Variants in SLC24A2 observed in about 807,000 individuals in gnomAD.
SLC24A2 encodes the protein solute carrier family 24 member 2.
SLC24A2 carries 36 observed loss-of-function variants against 62.0 expected under a neutral mutation model. The ratio of observed to expected loss-of-function variants is 0.58; its 90% CI spans 0.44 to 0.77. The LOEUF (loss-of-function observed/expected upper bound fraction) is 0.77. Among genes scored for constraint, SLC24A2 ranks in the 30% least tolerant of loss-of-function variants. SLC24A2 has a pLI of 0.00. For synonymous variants in SLC24A2, 358 were observed against 294.0 expected (o/e 1.22, Z -2.23); for missense variants, 846 against 817.9 (o/e 1.03, Z -0.42).
chr9:20,140,544 C>A, the SLC24A2 span, among the ~76,000 whole-genome samples: 3 of 151,908 alleles, frequency 2.0e-5, no homozygotes, highest in Non-Finnish European at 4.4e-5. Flanking sequence ...CTTAAGCAGG[C>A]AAAAAAGAAA....
the SLC24A2 span, among the ~76,000 whole-genome samples, chr9:20,292,784 C>G: frequency 6.6e-5 from 10 of 152,080 alleles, no homozygotes; most frequent in Non-Finnish European, 1.5e-4. Flanking sequence ...GAGATGGGGT[C>G]TCCCCACCTT....
At chr9:19,906,066 C>A in the SLC24A2 span, among the ~76,000 whole-genome samples, 1 of 152,200 alleles carries the variant, frequency 6.6e-6, no homozygotes, top group South Asian at 2.1e-4. Context: ...AAACTGACCA[C>A]ATACTTGGAA....
chr9:20,222,697 C>A, the SLC24A2 span, among the ~76,000 whole-genome samples: 2 of 151,830 alleles, frequency 1.3e-5, no homozygotes, highest in Admixed American at 1.3e-4. Flanking sequence ...TATGCCATAC[C>A]CCTTAAGTAC....
the SLC24A2 span, among the ~76,000 whole-genome samples, chr9:20,100,265 C>A: frequency 6.6e-6 from 1 of 151,948 alleles, no homozygotes; most frequent in Admixed American, 6.6e-5. Flanking sequence ...TTTGCCATGT[C>A]GCCCAGGCTG....
intron 2 of SLC24A2, among the ~76,000 whole-genome samples, chr9:19,779,778 A>T (rs891165371): frequency 6.6e-6 from 1 of 152,222 alleles, no homozygotes; most frequent in African/African-American, 2.4e-5. Flanking sequence ...ACATCAAGGT[A>T]GGCGGGCGCG....
At chr9:19,529,382 T>C (rs931212877) in intron 8 of SLC24A2, among the ~76,000 whole-genome samples, 1 of 152,236 alleles carries the variant, frequency 6.6e-6, no homozygotes, top group Non-Finnish European at 1.5e-5. Flanking sequence ...ACAGTCTCTA[T>C]TGCTCCAAAC....
chr9:19,556,652 A>C (rs1472099355), intron 7 of SLC24A2, among the ~76,000 whole-genome samples: 1 of 152,190 alleles, frequency 6.6e-6, no homozygotes, highest in African/African-American at 2.4e-5. Context: ...GGCTCACTGT[A>C]ACACTTAGGA....
chr9:19,635,091 T>C (rs939036768), intron 2 of SLC24A2, among the ~76,000 whole-genome samples: 1 of 152,230 alleles, frequency 6.6e-6, no homozygotes, highest in Non-Finnish European at 1.5e-5. Context: ...TGAAAACAGA[T>C]GTAGCCTCAC....
the SLC24A2 span, among the ~76,000 whole-genome samples, chr9:20,168,296 A>G: frequency 6.6e-6 from 1 of 152,014 alleles, no homozygotes; most frequent in Admixed American, 6.6e-5. Flanking sequence ...CTCTAAGCTT[A>G]AAATTATTTC....
chr9:19,887,683 C>T, the SLC24A2 span, among the ~76,000 whole-genome samples: 2 of 152,116 alleles, frequency 1.3e-5, no homozygotes, highest in African/African-American at 4.8e-5. Flanking sequence ...CCATGTGAGC[C>T]AGCAATCCCA....
At chr9:19,835,157 A>G in the SLC24A2 span, among the ~76,000 whole-genome samples, 1 of 152,224 alleles carries the variant, frequency 6.6e-6, no homozygotes, top group East Asian at 1.9e-4. Flanking sequence ...CTAGGAAGAA[A>G]CTGCATCACC....
the SLC24A2 span, among the ~76,000 whole-genome samples, chr9:20,141,011 T>C: frequency 1.3e-5 from 2 of 152,108 alleles, no homozygotes; most frequent in Non-Finnish European, 2.9e-5. Context: ...TTATCATCTC[T>C]CCTCTCCTCC....
chr9:20,096,957 T>A, the SLC24A2 span, among the ~76,000 whole-genome samples: 1 of 152,258 alleles, frequency 6.6e-6, no homozygotes. Context: ...CACTGAATTC[T>A]AATCCAATTC....
intron 2 of SLC24A2, among the ~76,000 whole-genome samples, chr9:19,684,441 G>A (rs1022410250): frequency 6.6e-6 from 1 of 152,092 alleles, no homozygotes; most frequent in African/African-American, 2.4e-5. Context: ...ATCAAAGAGA[G>A]ATGGAGTGCT....
chr9:19,717,661 T>G (rs986953245), intron 2 of SLC24A2, among the ~76,000 whole-genome samples: 5 of 152,216 alleles, frequency 3.3e-5, no homozygotes, highest in Admixed American at 2.6e-4. Context: ...CATAGCATCC[T>G]GTTCACTTGT....
At chr9:19,957,196 T>C in the SLC24A2 span, among the ~76,000 whole-genome samples, 2 of 152,192 alleles carry the variant, frequency 1.3e-5, no homozygotes, top group Non-Finnish European at 1.5e-5. Flanking sequence ...ACTTCTTCCA[T>C]ACAATAAAGA....
chr9:19,874,082 T>C, the SLC24A2 span, among the ~76,000 whole-genome samples: 6,926 of 136,012 alleles, frequency 0.051, 109 homozygotes, highest in African/African-American at 0.069. Flanking sequence ...TTTCTTTTTT[T>C]TTTTTTTTTT....
the SLC24A2 span, among the ~76,000 whole-genome samples, chr9:19,971,142 G>A: frequency 6.6e-5 from 10 of 152,048 alleles, no homozygotes; most frequent in African/African-American, 1.9e-4. Context: ...CCTTCTGCTC[G>A]CACAGAGTAG....
intron 2 of SLC24A2, among the ~76,000 whole-genome samples, chr9:19,665,731 C>A (rs757713960): frequency 4.6e-5 from 7 of 152,114 alleles, no homozygotes; most frequent in Non-Finnish European, 1.0e-4. Context: ...CTCAAGTGAT[C>A]TGCCCACCTC....
Sources: gnomAD v4.1 joint callset for allele counts (sites outside exome capture counted in the v4.1 genomes callset) on GRCh38, gnomAD v4.1.1 for gene constraint, MANE v1.5 for transcripts, NCBI Gene and HGNC (gene_info 2026-07-23, HGNC 2026-07-21) for gene names.